KSR2: variants seen among roughly 807,000 people sequenced by gnomAD.
The protein encoded by KSR2 is kinase suppressor of ras 2.
Under a neutral mutation model 107.8 loss-of-function variants are expected in KSR2, and 25 were observed. The observed-to-expected ratio is 0.23, with a 90% CI of 0.17 to 0.32. The LOEUF (loss-of-function observed/expected upper bound fraction) is 0.32. KSR2 is among the 10% of genes least tolerant of loss of function. KSR2 has a pLI of 1.00. For synonymous variants in KSR2, 480 were observed against 507.0 expected, an observed-to-expected ratio of 0.95 and a Z score of 0.71; for missense variants, 887 against 1,268.9, an observed-to-expected ratio of 0.70 and a Z score of 4.57.
Position 117,897,557 on chromosome 12 carries a change from G to T in KSR2, c.181-37126C>A, listed in dbSNP as rs1162885692. 6.6e-6 allele frequency among the ~76,000 whole-genome samples: 1 copy of T among 152,122 alleles called. No homozygotes were observed. The highest frequency in any genetic ancestry group is 1.9e-4 in the East Asian group (1 of 5,178). Reference sequence around the variant, plus strand: ...TGTCTTCACGCTGTCCCCATTAGCTGGCTGAACAGACACGTCTTTGAGGTA... The same window carrying T: ...TGTCTTCACGCTGTCCCCATTAGCTTGCTGAACAGACACGTCTTTGAGGTA... On this transcript the variant is annotated intron_variant, in intron 1 of 19. Coordinates refer to ENST00000339824, the MANE Select transcript of KSR2 (RefSeq NM_173598.6). This position sits in a 1 kb window ranked among gnomAD's most constrained non-coding sequence, Gnocchi z 4.5.
intron 3 of KSR2, among the ~76,000 whole-genome samples, chr12:117,848,378 T>C (rs1041473470): frequency 6.6e-6 from 1 of 152,126 alleles, no homozygotes. Flanking sequence ...TGGAGACAAA[T>C]GGTGAGAACG....
At chr12:117,876,815 T>C (rs956544686) in intron 1 of KSR2, among the ~76,000 whole-genome samples, 1 of 150,908 alleles carries the variant, frequency 6.6e-6, no homozygotes, top group African/African-American at 2.4e-5. Flanking sequence ...AGGTTGAGTA[T>C]CCCTTATCCG....
intron 3 of KSR2, among the ~76,000 whole-genome samples, chr12:117,794,122 ACTCACACCAACATG>A (rs1890466643): frequency 8.0e-6 from 1 of 125,328 alleles, no homozygotes. Context: ...CAACATGCAC[ACTCACACCAACATG>A]CACACACCCC....
chr12:117,756,326 G>A lies in KSR2; in HGVS notation c.986+4685C>T, dbSNP rs567379298. On this transcript the variant is annotated intron_variant, in intron 4 of 19. Transcript: ENST00000339824. ...GCTGACTCTCTTGTTAGGGACTACC[G>A]CAGCTGGTGACTTTTAAGCTGAAGC... 5.9e-5 allele frequency among the ~76,000 whole-genome samples: 9 copies of A among 152,304 alleles called. 1 individual carries two copies. The highest frequency in any genetic ancestry group is 3.3e-4 in the Admixed American group (5 of 15,292).
intron 3 of KSR2, among the ~76,000 whole-genome samples, chr12:117,829,292 G>A (rs1891868883): frequency 6.6e-6 from 1 of 152,058 alleles, no homozygotes; most frequent in Non-Finnish European, 1.5e-5. Flanking sequence ...CAACCAATTG[G>A]TAACTTTCTG....
intron 4 of KSR2, among the ~76,000 whole-genome samples, chr12:117,709,773 G>A (rs566666272): frequency 8.5e-5 from 13 of 152,170 alleles, no homozygotes; most frequent in South Asian, 2.1e-4. Context: ...GGGCTGTCCC[G>A]TGTATTGTAG....
At chr12:117,741,699 T>C (rs1319779932) in intron 4 of KSR2, among the ~76,000 whole-genome samples, 2 of 152,146 alleles carry the variant, frequency 1.3e-5, no homozygotes, top group Non-Finnish European at 2.9e-5. Flanking sequence ...CTCAGTCTCT[T>C]AGAAAAATAG....
chr12:117,783,910 A>G (rs1003266545), intron 3 of KSR2, among the ~76,000 whole-genome samples: 3 of 152,190 alleles, frequency 2.0e-5, no homozygotes, highest in Non-Finnish European at 2.9e-5. Flanking sequence ...CTGCACTCAT[A>G]TGACACAGAA....
intron 3 of KSR2, among the ~76,000 whole-genome samples, chr12:117,848,664 G>C (rs746971765): frequency 6.6e-6 from 1 of 152,176 alleles, no homozygotes; most frequent in African/African-American, 2.4e-5. Context: ...CCTTGGAAGG[G>C]CCCCTTGGAG....
intron 3 of KSR2, among the ~76,000 whole-genome samples, chr12:117,801,168 A>G (rs1890819001): frequency 6.6e-6 from 1 of 152,104 alleles, no homozygotes; most frequent in Non-Finnish European, 1.5e-5. Context: ...CTGGAGTGCA[A>G]TGCAGTGGCA....
chr12:117,572,700 A>T (rs1433712496), intron 7 of KSR2, among the ~76,000 whole-genome samples: 5 of 96,174 alleles, frequency 5.2e-5, no homozygotes, highest in East Asian at 7.6e-4. Flanking sequence ...CCAGCCCATT[A>T]AAAAAAAAAA....
intron 1 of KSR2, among the ~76,000 whole-genome samples, chr12:117,906,499 G>A (rs1894850873): frequency 6.6e-6 from 1 of 151,954 alleles, no homozygotes; most frequent in South Asian, 2.1e-4. Flanking sequence ...CCAGCTACTT[G>A]GAAGGCTGAA....
intron 5 of KSR2, among the ~76,000 whole-genome samples, chr12:117,612,774 G>A (rs947944439): frequency 1.3e-5 from 2 of 152,148 alleles, no homozygotes; most frequent in Admixed American, 1.3e-4. Context: ...TGTAATCCAG[G>A]TTTCAAGGGA....
chr12:117,763,702 A>G (rs1466148528), intron 3 of KSR2, among the ~76,000 whole-genome samples: 2 of 152,190 alleles, frequency 1.3e-5, no homozygotes, highest in Non-Finnish European at 2.9e-5. Flanking sequence ...GTCCAACAGG[A>G]AGCCATTGGG....
intron 5 of KSR2, among the ~76,000 whole-genome samples, chr12:117,618,141 T>C (rs541189922): frequency 1.0e-3 from 155 of 152,310 alleles, no homozygotes; most frequent in African/African-American, 3.5e-3. Flanking sequence ...CCACAGAGGA[T>C]TTAAATTTTC....
intron 1 of KSR2, among the ~76,000 whole-genome samples, chr12:117,876,158 C>A (rs1893842144): frequency 6.6e-6 from 1 of 152,194 alleles, no homozygotes; most frequent in South Asian, 2.1e-4. Context: ...AGCCAGCAGC[C>A]CCGACGCCTT....
chr12:117,667,468 A>T lies in KSR2; in HGVS notation c.1171+6T>A. On this transcript the variant is annotated splice_donor_region_variant and intron_variant, in intron 5 of 19. Transcript: ENST00000339824. The stretch of plus-strand genomic sequence containing the variant: ...GTTCCCAGTGCAGCCCGGCAGGGTG[A>T]CTTACTTGCAGAGAAGTTGGCCTCA... The T allele has an allele frequency of 6.2e-7, 1 of 1,608,374 alleles. No individual in the cohort carries two copies. The highest frequency in any genetic ancestry group is 1.1e-5 in the South Asian group (1 of 89,750).
At chr12:117,665,454 T>C (rs567954530) in intron 5 of KSR2, among the ~76,000 whole-genome samples, 36 of 152,230 alleles carry the variant, frequency 2.4e-4, no homozygotes, top group African/African-American at 8.7e-4. Flanking sequence ...CGGCTGACAT[T>C]CACTCATAGG....
chr12:117,839,218 G>A (rs1254012750), intron 3 of KSR2, among the ~76,000 whole-genome samples: 3 of 152,200 alleles, frequency 2.0e-5, no homozygotes, highest in African/African-American at 7.2e-5. Context: ...TAATTTCTGT[G>A]ATTAGATTAT....
Sources: gnomAD v4.1 joint callset for allele counts (sites outside exome capture counted in the v4.1 genomes callset) on GRCh38, gnomAD v4.1.1 for gene constraint, Gnocchi (gnomAD v3.1) non-coding constraint, MANE v1.5 for transcripts, NCBI Gene and HGNC (gene_info 2026-07-23, HGNC 2026-07-21) for gene names.